Variants in PCDHGA2 observed in about 807,000 individuals in gnomAD.
The protein encoded by PCDHGA2 is protocadherin gamma subfamily A, 2.
Under a neutral mutation model 59.2 loss-of-function variants are expected in PCDHGA2, and 40 were observed. That is an observed-to-expected ratio of 0.68 (90% CI 0.52 to 0.88). The LOEUF is 0.88. PCDHGA2 is among the 40% of genes least tolerant of loss of function. The pLI is 0.00. For synonymous variants in PCDHGA2, 560 were observed against 526.0 expected (o/e 1.06, Z -0.89); for missense variants, 1,226 against 1,204.0 (o/e 1.02, Z -0.27).
intron 1 of PCDHGA2, chr5:141,404,230 C>T: frequency 6.2e-7 from 1 of 1,613,836 alleles, no homozygotes; most frequent in Non-Finnish European, 8.5e-7. Context: ...CTGCAACAGA[C>T]AGAGGAACTC....
In PCDHGA2 at chr5:141,473,538, T is replaced by C. The variant is rs544537855; in HGVS notation, c.2425-21269T>C. Among the ~76,000 whole-genome samples, 58 of 152,328 alleles carry C rather than the reference T, an allele frequency of 3.8e-4. 1 individual carries two copies. Among genetic ancestry groups the C allele is most frequent in the African/African-American group, 1.3e-3 (55 of 41,576 alleles). Reference sequence around the variant, plus strand: ...AAGGATCCTGGTTTTAACTGGGGCCTAATGGAAGACCTCTATTAGGAAATA... The same window carrying C: ...AAGGATCCTGGTTTTAACTGGGGCCCAATGGAAGACCTCTATTAGGAAATA... On this transcript the variant is annotated intron_variant, in intron 1 of 3. Coordinates refer to ENST00000394576, the MANE Select transcript of PCDHGA2 (RefSeq NM_018915.4).
At chr5:141,428,163 C>T (rs759273230) in intron 1 of PCDHGA2, 77 of 1,564,636 alleles carry the variant, frequency 4.9e-5, no homozygotes, top group Non-Finnish European at 6.3e-5. Flanking sequence ...CTGCTGGTTG[C>T]TGTGCGTGAC....
At chr5:141,433,869 T>C (rs1293077938) in intron 1 of PCDHGA2, among the ~76,000 whole-genome samples, 8 of 151,960 alleles carry the variant, frequency 5.3e-5, no homozygotes, top group Non-Finnish European at 7.4e-5. Flanking sequence ...TATCCTCTAG[T>C]TTCATCCATT....
At chr5:141,355,369 C>A (rs1339855222) in intron 1 of PCDHGA2, 2 of 1,614,040 alleles carry the variant, frequency 1.2e-6, no homozygotes, top group Admixed American at 3.3e-5. Context: ...GTTGGCGCCC[C>A]GGGAGCTGGC....
chr5:141,467,321 G>A (rs2099141786), intron 1 of PCDHGA2, among the ~76,000 whole-genome samples: 2 of 152,024 alleles, frequency 1.3e-5, no homozygotes, highest in East Asian at 1.9e-4. Context: ...CCACAGTGCT[G>A]GGATTAGAGA....
intron 1 of PCDHGA2, chr5:141,427,818 G>T: frequency 6.5e-7 from 1 of 1,530,644 alleles, no homozygotes; most frequent in Non-Finnish European, 9.0e-7. Flanking sequence ...GAGCGGGGTG[G>T]TGGTCGCGCA....
chr5:141,476,783 G>C lies in PCDHGA2; in HGVS notation c.2425-18024G>C. ...GACGGCGTTGGACGGAGGGACCCCAGCTCTCTCCGCCAGCCTGCCTATTCA... is the reference window on the plus strand; with the variant it reads ...GACGGCGTTGGACGGAGGGACCCCACCTCTCTCCGCCAGCCTGCCTATTCA... On this transcript the variant is annotated intron_variant, in intron 1 of 3. Coordinates refer to ENST00000394576, the MANE Select transcript of PCDHGA2 (RefSeq NM_018915.4). This position sits in a 1 kb window ranked among gnomAD's most constrained non-coding sequence, Gnocchi z 7.6. The C allele has an allele frequency of 6.2e-7, 1 of 1,613,510 alleles. No homozygotes were observed. The highest frequency in any genetic ancestry group is 8.5e-7 in the Non-Finnish European group (1 of 1,180,030).
At position 141,413,851 on chromosome 5, in the gene PCDHGA2, C is replaced by T. The variant is rs766108205; in HGVS notation, c.2424+72456C>T. The T allele has an allele frequency of 1.5e-5, 25 of 1,613,340 alleles. No homozygotes were observed. In the East Asian group the frequency reaches 2.7e-4, roughly 17 times the overall value. ...CGCCTCCGACGGGGGTGACCCTCTC[C>T]GATCTGGCACTGTCCTTGTCAGTGT... On this transcript the variant is annotated intron_variant, in intron 1 of 3. Coordinates refer to ENST00000394576, the MANE Select transcript of PCDHGA2 (RefSeq NM_018915.4).
chr5:141,432,335 C>T lies in PCDHGA2; in HGVS notation c.2425-62472C>T, dbSNP rs146691720. On this transcript the variant is annotated intron_variant, in intron 1 of 3. Coordinates refer to ENST00000394576, the MANE Select transcript of PCDHGA2 (RefSeq NM_018915.4). This position sits in a 1 kb window ranked among gnomAD's most constrained non-coding sequence, Gnocchi z 6.0. ...GAGCTCCTTCGACTACGAGCAGTTC[C>T]GAGACTTGCAAGTGAAAGTGATGGC... 2.6e-5 allele frequency: 42 copies of T among 1,614,126 alleles called. No individual in the cohort carries two copies. Among genetic ancestry groups the T allele is most frequent in the African/African-American group, 1.2e-4 (9 of 74,940 alleles).
Position 141,340,207 on chromosome 5 carries a change from G to C in PCDHGA2, c.1236G>C (p.Arg412Ser). 1.9e-6 allele frequency: 3 copies of C among 1,614,122 alleles called. No homozygotes were observed. Among genetic ancestry groups the C allele is most frequent in the Non-Finnish European group, 2.5e-6 (3 of 1,180,010 alleles). ...YRLVTTRALDREQFSFYNITL... is the reference protein window; with the variant it reads ...YRLVTTRALDSEQFSFYNITL... ...TGGTTACAACCAGAGCCCTTGACAG[G>C]GAACAGTTTTCCTTTTACAACATCA... The change falls in exon 1 of 4, where the codon AGG becomes AGC. Residue 412 changes from arginine (R) to serine (S), a missense_variant. Arg to Ser is a moderately radical substitution (Grantham distance 110). Coordinates refer to ENST00000394576, the MANE Select transcript of PCDHGA2 (RefSeq NM_018915.4).
At chr5:141,407,602 G>A (rs1395597779) in intron 1 of PCDHGA2, among the ~76,000 whole-genome samples, 2 of 152,064 alleles carry the variant, frequency 1.3e-5, no homozygotes, top group Non-Finnish European at 2.9e-5. Context: ...ATCTTAAAAA[G>A]AAGCATTGGT....
At chr5:141,415,040 C>T (rs772941952) in intron 1 of PCDHGA2, 8 of 1,613,520 alleles carry the variant, frequency 5.0e-6, no homozygotes, top group South Asian at 1.1e-5. Context: ...GGACTCTTCG[C>T]GGTGGGGGAG....
chr5:141,501,288 T>TACAC (rs1562199973), intron 2 of PCDHGA2, among the ~76,000 whole-genome samples: 2 of 81,228 alleles, frequency 2.5e-5, no homozygotes, highest in Admixed American at 1.6e-4. Flanking sequence ...GATATTCCCT[T>TACAC]ATACACACAC....
intron 1 of PCDHGA2, chr5:141,395,240 G>A: frequency 6.3e-7 from 1 of 1,589,850 alleles, no homozygotes; most frequent in Non-Finnish European, 8.6e-7. Context: ...ATGGTCAGGT[G>A]AGTTTAGTTC....
intron 1 of PCDHGA2, chr5:141,356,243 C>G: frequency 6.3e-7 from 1 of 1,581,974 alleles, no homozygotes; most frequent in Non-Finnish European, 8.6e-7. Context: ...CCAGAAGTCA[C>G]AGTTACATCT....
chr5:141,432,511 C>T lies in PCDHGA2; in HGVS notation c.2425-62296C>T. ...AGCTGGCTCCCCGCTCCGCAGAGCC[C>T]GGCTACCTGGTGACCAAGGTGGTGG... is the stretch of plus-strand genomic sequence containing the variant. On this transcript the variant is annotated intron_variant, in intron 1 of 3. Coordinates refer to ENST00000394576, the MANE Select transcript of PCDHGA2 (RefSeq NM_018915.4). This position sits in a 1 kb window ranked among gnomAD's most constrained non-coding sequence, Gnocchi z 6.0. 1 of 1,614,118 alleles carries T rather than the reference C, an allele frequency of 6.2e-7. No homozygotes were observed. The highest frequency in any genetic ancestry group is 8.5e-7 in the Non-Finnish European group (1 of 1,180,042).
chr5:141,361,065 G>A, intron 1 of PCDHGA2: 1 of 1,613,892 alleles, frequency 6.2e-7, no homozygotes, highest in Non-Finnish European at 8.5e-7. Flanking sequence ...TGGATTTTGA[G>A]ATTGCAAGTA....
At chr5:141,392,896 G>C in intron 1 of PCDHGA2, 2 of 1,613,812 alleles carry the variant, frequency 1.2e-6, no homozygotes, top group South Asian at 1.1e-5. Flanking sequence ...GAAATCGGGA[G>C]GGGACAGATT....
At chr5:141,351,247 T>G (rs1262352306) in intron 1 of PCDHGA2, 18 of 1,614,026 alleles carry the variant, frequency 1.1e-5, no homozygotes, top group Non-Finnish European at 1.4e-5. Context: ...ACTGTAATGT[T>G]CAAATAGAAA....
Sources: gnomAD v4.1 joint callset for allele counts (sites outside exome capture counted in the v4.1 genomes callset) on GRCh38, gnomAD v4.1.1 for gene constraint, Gnocchi (gnomAD v3.1) non-coding constraint, MANE v1.5 for transcripts, NCBI Gene and HGNC (gene_info 2026-07-23, HGNC 2026-07-21) for gene names.